The following THSD7A variants were observed in gnomAD, a reference collection of about 807,000 sequenced individuals.
The protein encoded by THSD7A is thrombospondin type-1 domain-containing protein 7A.
A neutral mutation model predicts 231.3 loss-of-function variants in THSD7A; 96 were observed. That is an observed-to-expected ratio of 0.41 (90% CI 0.35 to 0.49). The LOEUF (loss-of-function observed/expected upper bound fraction) is 0.49, where lower values mean the gene tolerates loss of function less well. Among genes scored for constraint, THSD7A ranks in the 20% least tolerant of loss-of-function variants. The pLI is 0.05. For missense variants in THSD7A, 2,290 were observed against 2,070.2 expected, an observed-to-expected ratio of 1.11 and a Z score of -2.06; for synonymous variants, 940 against 743.3, an observed-to-expected ratio of 1.26 and a Z score of -4.30.
intron 1 of THSD7A, among the ~76,000 whole-genome samples, chr7:11,782,860 A>G (rs967738341): frequency 6.6e-6 from 1 of 152,136 alleles, no homozygotes; most frequent in African/African-American, 2.4e-5. Context: ...CTGAAAGTAT[A>G]TACATTTTCT....
At chr7:11,659,820 T>C (rs1450166056) in intron 1 of THSD7A, among the ~76,000 whole-genome samples, 1 of 151,494 alleles carries the variant, frequency 6.6e-6, no homozygotes, top group Non-Finnish European at 1.5e-5. Context: ...CACACTACCT[T>C]AATTCAATTA....
At chr7:11,676,701 T>C (rs1022283433) in intron 1 of THSD7A, among the ~76,000 whole-genome samples, 51 of 152,080 alleles carry the variant, frequency 3.4e-4, no homozygotes, top group African/African-American at 9.4e-4. Context: ...AAATAAAGCA[T>C]GAAGACAAGA....
At chr7:11,380,762 TA>T (rs1298895756) in intron 24 of THSD7A, among the ~76,000 whole-genome samples, 1 of 152,180 alleles carries the variant, frequency 6.6e-6, no homozygotes, top group African/African-American at 2.4e-5. Context: ...TCATCTCTCC[TA>T]AAAGATGAAA....
chr7:11,780,649 C>G (rs776225919), intron 1 of THSD7A, among the ~76,000 whole-genome samples: 2 of 152,120 alleles, frequency 1.3e-5, no homozygotes, highest in Admixed American at 6.6e-5. Context: ...AAACTGTGAG[C>G]CAGAATCACC....
intron 1 of THSD7A, among the ~76,000 whole-genome samples, chr7:11,684,331 G>C (rs1344170482): frequency 6.6e-6 from 1 of 151,026 alleles, no homozygotes. Flanking sequence ...AACAAGACAA[G>C]GATGTTTGTT....
In THSD7A at chr7:11,402,998, A is replaced by C. The variant is rs1783458887; in HGVS notation, c.4238-1030T>G. 2.6e-5 allele frequency among the ~76,000 whole-genome samples: 4 copies of C among 152,292 alleles called. No individual in the cohort carries two copies. In the South Asian group the frequency reaches 8.3e-4, roughly 32 times the overall value. ...GAGTGCAATTGCTGGGCCATAGTGC[A>C]TCCATGCTTCCAAAATCTTTAGCCA... On this transcript the variant is annotated intron_variant, in intron 22 of 27. Transcript: ENST00000423059.
intron 1 of THSD7A, among the ~76,000 whole-genome samples, chr7:11,761,927 A>C (rs58747700): frequency 0.24 from 36,201 of 151,646 alleles, 6,448 homozygotes; most frequent in African/African-American, 0.5. Flanking sequence ...CTTTTGGAGT[A>C]CTCACTGTCT....
chr7:11,590,318 G>GT lies in THSD7A; in HGVS notation c.1453+141dup. ...TTTCACAACCATAATGTGGATTACT[G>GT]TTTACCATAGTGAATACCAACCACA... On this transcript the variant is annotated intron_variant, in intron 4 of 27. Coordinates refer to ENST00000423059, the MANE Select transcript of THSD7A (RefSeq NM_015204.3). This position sits in a 1 kb window ranked among gnomAD's most constrained non-coding sequence, Gnocchi z 4.4. The GT allele has an allele frequency of 1.4e-6, 1 of 718,634 alleles. No individual in the cohort carries two copies. The highest frequency in any genetic ancestry group is 3.1e-5 in the East Asian group (1 of 32,538). The allele number at this position is 718,634 out of a possible 1,614,324, so 44.5% of individuals were successfully genotyped here.
intron 6 of THSD7A, among the ~76,000 whole-genome samples, chr7:11,496,900 G>C (rs1279735862): frequency 6.6e-6 from 1 of 152,170 alleles, no homozygotes; most frequent in East Asian, 1.9e-4. Context: ...AAAGTTGTGA[G>C]ACTTTATTAG....
chr7:11,676,348 A>C (rs939129440), intron 1 of THSD7A, among the ~76,000 whole-genome samples: 6 of 152,166 alleles, frequency 3.9e-5, no homozygotes, highest in African/African-American at 1.2e-4. Context: ...AACAACAAGA[A>C]TGCCTCTTCT....
chr7:11,480,536 CT>C (rs1214098861), intron 7 of THSD7A, among the ~76,000 whole-genome samples: 1 of 152,000 alleles, frequency 6.6e-6, no homozygotes, highest in African/African-American at 2.4e-5. Flanking sequence ...ATATAATTTT[CT>C]TTGTAAAAGG....
At chr7:11,403,900 G>T (rs1034437548) in intron 22 of THSD7A, among the ~76,000 whole-genome samples, 1 of 152,058 alleles carries the variant, frequency 6.6e-6, no homozygotes, top group Non-Finnish European at 1.5e-5. Context: ...CACATGAGAT[G>T]TATTTCCTAA....
intron 2 of THSD7A, among the ~76,000 whole-genome samples, chr7:11,617,835 C>T (rs572540718): frequency 2.0e-5 from 3 of 151,982 alleles, no homozygotes; most frequent in African/African-American, 4.8e-5. Flanking sequence ...TGGGGCCTGT[C>T]GTGGGGTAGG....
chr7:11,486,018 G>T (rs1251162937), intron 6 of THSD7A, among the ~76,000 whole-genome samples: 1 of 152,078 alleles, frequency 6.6e-6, no homozygotes, highest in Non-Finnish European at 1.5e-5. Context: ...CAGCATTCCA[G>T]GCATAAGTCA....
intron 6 of THSD7A, among the ~76,000 whole-genome samples, chr7:11,537,188 C>T (rs1489638471): frequency 2.0e-5 from 3 of 152,246 alleles, no homozygotes; most frequent in African/African-American, 7.2e-5. Flanking sequence ...TCCCCTTCCT[C>T]ATCTTATAGG....
chr7:11,721,234 T>G (rs1011763932), intron 1 of THSD7A, among the ~76,000 whole-genome samples: 1 of 151,792 alleles, frequency 6.6e-6, no homozygotes, highest in African/African-American at 2.4e-5. Context: ...TGGTTTTAAT[T>G]TGTGTCTCCA....
intron 4 of THSD7A, among the ~76,000 whole-genome samples, chr7:11,579,318 G>T (rs555207000): frequency 6.6e-6 from 1 of 152,280 alleles, no homozygotes; most frequent in East Asian, 1.9e-4. Flanking sequence ...GGAACAACCA[G>T]CCCTAGCCAC....
chr7:11,396,326 TA>T lies in THSD7A; in HGVS notation c.4411+5468del, dbSNP rs549830158. ...AGGTGATAGAGACATGAAACACCCTTAAAAAAATCAATCAAGGAGCTGTTTT... is the reference window on the plus strand; with the variant it reads ...AGGTGATAGAGACATGAAACACCCTTAAAAAATCAATCAAGGAGCTGTTTT... On this transcript the variant is annotated intron_variant, in intron 23 of 27. Transcript: ENST00000423059. Among the ~76,000 whole-genome samples, 368 of 151,900 alleles carry T rather than the reference TA, an allele frequency of 2.4e-3. 2 individuals are homozygous for T. Among genetic ancestry groups the T allele is most frequent in the African/African-American group, 7.7e-3 (320 of 41,458 alleles).
chr7:11,586,713 AT>A (rs1411234084), intron 4 of THSD7A, among the ~76,000 whole-genome samples: 1 of 152,176 alleles, frequency 6.6e-6, no homozygotes, highest in Non-Finnish European at 1.5e-5. Flanking sequence ...CCATTTAGCA[AT>A]GGTGTGACTA....
Sources: gnomAD v4.1 joint callset for allele counts (sites outside exome capture counted in the v4.1 genomes callset) on GRCh38, gnomAD v4.1.1 for gene constraint, Gnocchi (gnomAD v3.1) non-coding constraint, MANE v1.5 for transcripts, NCBI Gene and HGNC (gene_info 2026-07-23, HGNC 2026-07-21) for gene names.